RPTOR: variants seen among roughly 807,000 people sequenced by gnomAD.
RPTOR encodes the protein regulatory associated protein of MTOR complex 1.
Under a neutral mutation model 169.9 loss-of-function variants are expected in RPTOR, and 21 were observed. The ratio of observed to expected loss-of-function variants is 0.12; its 90% CI spans 0.09 to 0.18. The LOEUF (loss-of-function observed/expected upper bound fraction) is 0.18. Among genes scored for constraint, RPTOR ranks in the 10% least tolerant of loss-of-function variants. The pLI is 1.00. For synonymous variants in RPTOR, 732 were observed against 753.2 expected (o/e 0.97, Z 0.46); for missense variants, 1,133 against 1,855.9 (o/e 0.61, Z 7.16).
At position 80,927,788 on chromosome 17, in the gene RPTOR, C is replaced by T. The variant is rs146184289; in HGVS notation, c.2919+2308C>T. 5.8e-3 allele frequency among the ~76,000 whole-genome samples: 872 copies of T among 151,308 alleles called. 6 individuals carry two copies. Among genetic ancestry groups the T allele is most frequent in the African/African-American group, 0.02 (831 of 41,134 alleles). ...CCGGTGTGTGCAAGCCCCAAGCCAG[C>T]GTCTCCTCTCCCTTTCTTCAGATTA... is the stretch of plus-strand genomic sequence containing the variant. On this transcript the variant is annotated intron_variant, in intron 24 of 33. Transcript: ENST00000306801.
chr17:80,743,036 G>A (rs927289550), intron 5 of RPTOR, among the ~76,000 whole-genome samples: 2 of 152,204 alleles, frequency 1.3e-5, no homozygotes, highest in African/African-American at 2.4e-5. Flanking sequence ...GTTTTAGAAG[G>A]TGGAGTGAGT....
chr17:80,944,497 G>T (rs1056714646), intron 25 of RPTOR, among the ~76,000 whole-genome samples: 4 of 152,308 alleles, frequency 2.6e-5, no homozygotes, highest in South Asian at 2.1e-4. Context: ...CATTAACCCT[G>T]CGGCCAGGGC....
chr17:80,916,175 G>GAAGGAGAGAAGAGAA (rs2068671332), intron 21 of RPTOR, among the ~76,000 whole-genome samples: 1 of 152,180 alleles, frequency 6.6e-6, no homozygotes, highest in Admixed American at 6.5e-5. Flanking sequence ...CAGATGACAA[G>GAAGGAGAGAAGAGAA]AAGGAGAGAA....
chr17:80,577,905 CA>C (rs1490983606), intron 1 of RPTOR, among the ~76,000 whole-genome samples: 1 of 152,158 alleles, frequency 6.6e-6, no homozygotes, highest in Non-Finnish European at 1.5e-5. Flanking sequence ...CTTATGCAAA[CA>C]TGTTTAGGTT....
intron 21 of RPTOR, among the ~76,000 whole-genome samples, chr17:80,920,312 T>C (rs941070730): frequency 2.0e-5 from 3 of 152,194 alleles, no homozygotes; most frequent in African/African-American, 7.2e-5. Context: ...AGTGCACAGC[T>C]AAAGAAAGCT....
At chr17:80,747,928 G>T (rs1411064217) in intron 5 of RPTOR, among the ~76,000 whole-genome samples, 1 of 152,234 alleles carries the variant, frequency 6.6e-6, no homozygotes, top group East Asian at 1.9e-4. Context: ...GGACTGCAGT[G>T]TTTAGAGGCC....
rs965269975 is a variant in RPTOR at position 80,754,802 on chromosome 17, A to G, written c.830+617A>G. On this transcript the variant is annotated intron_variant, in intron 6 of 33. Transcript: ENST00000306801. The surrounding 1 kb of genome is among the most constrained non-coding windows in gnomAD (Gnocchi z 4.2). Reference sequence around the variant, plus strand: ...CTAGACCATCTTGCCAGTCTTTAATATCTCCTTTCCCATTTTATGTTTTGC... The same window carrying G: ...CTAGACCATCTTGCCAGTCTTTAATGTCTCCTTTCCCATTTTATGTTTTGC... Among the ~76,000 whole-genome samples the G allele has an allele frequency of 6.6e-6, 1 of 152,062 alleles. No individual in the cohort carries two copies. Among genetic ancestry groups the G allele is most frequent in the Non-Finnish European group, 1.5e-5 (1 of 68,020 alleles).
chr17:80,854,546 C>T (rs1473352273), intron 11 of RPTOR, among the ~76,000 whole-genome samples: 2 of 152,230 alleles, frequency 1.3e-5, no homozygotes, highest in Admixed American at 1.3e-4. Context: ...GGAAAAGAAT[C>T]ATGTACATGT....
At chr17:80,698,025 C>T (rs2066051828) in intron 3 of RPTOR, among the ~76,000 whole-genome samples, 3 of 152,136 alleles carry the variant, frequency 2.0e-5, no homozygotes, top group Admixed American at 1.3e-4. Flanking sequence ...TGAGTTTCTG[C>T]TGGCTGATTT....
At chr17:80,639,766 G>A (rs370600169) in intron 2 of RPTOR, among the ~76,000 whole-genome samples, 3 of 152,212 alleles carry the variant, frequency 2.0e-5, no homozygotes, top group Non-Finnish European at 4.4e-5. Context: ...GAAGGGCTGC[G>A]GATTGGGTGA....
chr17:80,637,600 G>A lies in RPTOR; in HGVS notation c.266-6128G>A, dbSNP rs375220863. 5.4e-4 allele frequency among the ~76,000 whole-genome samples: 82 copies of A among 152,346 alleles called. 1 individual carries two copies. The highest frequency in any genetic ancestry group is 1.8e-3 in the African/African-American group (75 of 41,578). ...AAAAACAATCCTGCTGAAGAGCTGCGCGTGCCCCACTCTTGGGGAACTCTG... is the reference window on the plus strand; with the variant it reads ...AAAAACAATCCTGCTGAAGAGCTGCACGTGCCCCACTCTTGGGGAACTCTG... On this transcript the variant is annotated intron_variant, in intron 2 of 33. Transcript: ENST00000306801.
intron 3 of RPTOR, among the ~76,000 whole-genome samples, chr17:80,685,022 T>C (rs996626405): frequency 6.6e-5 from 10 of 151,270 alleles, no homozygotes; most frequent in African/African-American, 2.5e-4. Flanking sequence ...AAATTTATAG[T>C]ATCACTGGGT....
At chr17:80,583,677 G>T (rs1194580280) in intron 1 of RPTOR, among the ~76,000 whole-genome samples, 1 of 152,216 alleles carries the variant, frequency 6.6e-6, no homozygotes, top group East Asian at 1.9e-4. Flanking sequence ...CAACCCGGTA[G>T]TGAAGGGGGA....
intron 10 of RPTOR, among the ~76,000 whole-genome samples, 177 bp downstream of exon 10, chr17:80,838,174 T>C (rs1274119053): frequency 1.3e-5 from 2 of 152,260 alleles, no homozygotes; most frequent in Admixed American, 6.5e-5. Flanking sequence ...AACCAGGGTT[T>C]AAAGTTAAAC....
chr17:80,685,067 G>A (rs115476618), intron 3 of RPTOR, among the ~76,000 whole-genome samples: 1,817 of 126,042 alleles, frequency 0.014, 39 homozygotes, highest in African/African-American at 0.065. Context: ...TCTAGTTATT[G>A]TCAAATTCCC....
intron 13 of RPTOR, among the ~76,000 whole-genome samples, chr17:80,873,100 A>C (rs534174717): frequency 7.6e-6 from 1 of 131,632 alleles, no homozygotes; most frequent in African/African-American, 3.6e-5. Flanking sequence ...AATTTGGATG[A>C]GAAAGGCACC....
rs1360442800 is a variant in RPTOR at position 80,707,775 on chromosome 17, A to C, written c.349-66A>C. ...TAACTGCAAACCCAGAGGAAAGGGT[A>C]GGGGATGAGTTCCAAGCATTCCCTG... On this transcript the variant is annotated intron_variant, in intron 3 of 33. Transcript: ENST00000306801. This position sits in a 1 kb window ranked among gnomAD's most constrained non-coding sequence, Gnocchi z 5.0. 3 of 1,474,924 alleles carry C rather than the reference A, an allele frequency of 2.0e-6. No homozygotes were observed. Among genetic ancestry groups the C allele is most frequent in the African/African-American group, 2.8e-5 (2 of 72,270 alleles). 91.4% of individuals were successfully genotyped at this position (1,474,924 alleles called of 1,614,324 possible).
intron 6 of RPTOR, among the ~76,000 whole-genome samples, chr17:80,777,004 C>A (rs1019215725): frequency 6.6e-6 from 1 of 151,978 alleles, no homozygotes; most frequent in Non-Finnish European, 1.5e-5. Context: ...TTTGGGAGGA[C>A]GAGGTGGGCA....
At chr17:80,600,977 G>A (rs1004018005) in intron 1 of RPTOR, among the ~76,000 whole-genome samples, 8 of 152,086 alleles carry the variant, frequency 5.3e-5, no homozygotes, top group South Asian at 2.1e-4. Context: ...ATTGAGAGGC[G>A]AAGTTGCTGT....
Sources: allele counts gnomAD v4.1 joint callset (sites outside exome capture counted in the v4.1 genomes callset), GRCh38; gene constraint gnomAD v4.1.1; non-coding constraint Gnocchi (gnomAD v3.1); transcripts MANE v1.5; gene names NCBI Gene and HGNC (gene_info 2026-07-23, HGNC 2026-07-21).